Variants in PAIP1 observed in about 807,000 individuals in gnomAD.
PAIP1 encodes polyadenylate-binding protein-interacting protein 1.
In PAIP1, 16 loss-of-function variants were observed where a neutral mutation model predicts 61.3. That is an observed-to-expected ratio of 0.26 (90% CI 0.18 to 0.40). The LOEUF (loss-of-function observed/expected upper bound fraction) is 0.40. Among genes scored for constraint, PAIP1 ranks in the 10% least tolerant of loss-of-function variants. The pLI is 1.00. For missense variants in PAIP1, 416 were observed against 600.9 expected (o/e 0.69, Z 3.22); for synonymous variants, 187 against 226.2 (o/e 0.83, Z 1.56).
chr5:43,542,471 T>C (rs1033366660), intron 4 of PAIP1, among the ~76,000 whole-genome samples: 3 of 150,680 alleles, frequency 2.0e-5, no homozygotes, highest in African/African-American at 4.9e-5. Context: ...GAGGCAGAGG[T>C]TGCAGTGAGC....
At chr5:43,542,647 C>CA (rs1747460940) in intron 4 of PAIP1, among the ~76,000 whole-genome samples, 1 of 151,574 alleles carries the variant, frequency 6.6e-6, no homozygotes, top group Non-Finnish European at 1.5e-5. Context: ...CCAAATAATG[C>CA]AAGTGTGATA....
intron 2 of PAIP1, among the ~76,000 whole-genome samples, chr5:43,551,669 GA>G (rs1293538477): frequency 6.6e-6 from 1 of 151,494 alleles, no homozygotes; most frequent in Non-Finnish European, 1.5e-5. Flanking sequence ...GGTCCCAGCT[GA>G]AAGTACTAAT....
intron 9 of PAIP1, among the ~76,000 whole-genome samples, chr5:43,530,427 AAG>A (rs1746889577): frequency 6.6e-6 from 1 of 152,190 alleles, no homozygotes; most frequent in Admixed American, 6.5e-5. Context: ...TTGTCTTAGG[AAG>A]AGTTATTGGG....
At chr5:43,546,009 G>C (rs1259140877) in intron 3 of PAIP1, among the ~76,000 whole-genome samples, 1 of 152,006 alleles carries the variant, frequency 6.6e-6, no homozygotes, top group African/African-American at 2.4e-5. Flanking sequence ...CTGACCTCAG[G>C]TGATCCACCC....
At chr5:43,556,376 C>A (rs891485860) in intron 1 of PAIP1, 2 of 1,234,768 alleles carry the variant, frequency 1.6e-6, no homozygotes, top group Non-Finnish European at 2.0e-6. Context: ...GCCCCTCCCC[C>A]CAGCCAGGCG....
chr5:43,546,887 A>G (rs1218743055), intron 3 of PAIP1, among the ~76,000 whole-genome samples: 3 of 151,902 alleles, frequency 2.0e-5, no homozygotes, highest in Non-Finnish European at 4.4e-5. Flanking sequence ...TATCAAAAAT[A>G]CAAAAATTAG....
At chr5:43,546,099 C>T (rs183727283) in intron 3 of PAIP1, among the ~76,000 whole-genome samples, 79 of 152,226 alleles carry the variant, frequency 5.2e-4, no homozygotes, top group Admixed American at 2.1e-3. Context: ...GTAATACTTC[C>T]TCGTTTGTTA....
chr5:43,528,452 G>A (rs1746793923), intron 10 of PAIP1, among the ~76,000 whole-genome samples: 1 of 152,028 alleles, frequency 6.6e-6, no homozygotes, highest in South Asian at 2.1e-4. Flanking sequence ...AAATAACCAT[G>A]AGCTCATTAG....
chr5:43,557,006 G>T lies in PAIP1; in HGVS notation c.-160C>A. ...CCCGGCTCGGCTGCTCGGTGCTTCT[G>T]GCGGAGCGGACGGCAGCCCGAGCAC... On this transcript the variant is annotated 5_prime_UTR_variant, in exon 1 of 11. Transcript: ENST00000306846. 5.0e-6 allele frequency: 6 copies of T among 1,200,420 alleles called. No homozygotes were observed. The highest frequency in any genetic ancestry group is 6.3e-6 in the Non-Finnish European group (6 of 954,686). 74.4% of individuals were successfully genotyped at this position (1,200,420 alleles called of 1,614,324 possible).
chr5:43,543,310 C>CAAAAAAAAAAAAAAAAAAAAAAAAAA (rs11427976), intron 3 of PAIP1, among the ~76,000 whole-genome samples, 194 bp from the exon 4 acceptor site: 3 of 96,040 alleles, frequency 3.1e-5, no homozygotes, highest in African/African-American at 5.1e-5. Flanking sequence ...ACAATAAGTA[C>CAAAAAAAAAAAAAAAAAAAAAAAAAA]AAAAAAAAAA....
At position 43,547,100 on chromosome 5, in the gene PAIP1, G is replaced by GATAAAAAC. The variant is rs1458720197; in HGVS notation, c.621+620_621+627dup. Among the ~76,000 whole-genome samples, 7 of 146,106 alleles carry GATAAAAAC rather than the reference G, an allele frequency of 4.8e-5. No homozygotes were observed. In the East Asian group the frequency reaches 1.4e-3, roughly 29 times the overall value. On this transcript the variant is annotated intron_variant, in intron 3 of 10. Coordinates refer to ENST00000306846, the MANE Select transcript of PAIP1 (RefSeq NM_006451.5). ...AATATGTTAATGACCAATATGCTGG[G>GATAAAAAC]ATAAAAACTAAATGTTGTATAATGA... is the stretch of plus-strand genomic sequence containing the variant.
intron 3 of PAIP1, among the ~76,000 whole-genome samples, chr5:43,544,067 TAGG>T (rs1372082038): frequency 6.7e-6 from 1 of 148,998 alleles, no homozygotes; most frequent in Non-Finnish European, 1.5e-5. Context: ...CACTTGAGTG[TAGG>T]AGTTCAAGGC....
At chr5:43,533,652 T>C in intron 9 of PAIP1, 86 bp downstream of exon 9, 1 of 835,816 alleles carries the variant, frequency 1.2e-6, no homozygotes, top group African/African-American at 1.7e-5. Flanking sequence ...AAAGTTACAA[T>C]CTTGTGCTGG....
Position 43,527,528 on chromosome 5 carries a change from T to A in PAIP1, c.1347-59A>T. ...TTTTTCAACTCAGAAAGTAAGATGC[T>A]AAATCATGAAAAAAATAATGTAATA... is the stretch of plus-strand genomic sequence containing the variant. On this transcript the variant is annotated intron_variant, in intron 10 of 10. Transcript: ENST00000306846. 3.5e-6 allele frequency: 5 copies of A among 1,439,738 alleles called. No individual in the cohort carries two copies. In the African/African-American group the frequency reaches 4.3e-5, roughly 12 times the overall value. 89.2% of individuals were successfully genotyped at this position (1,439,738 alleles called of 1,614,324 possible).
intron 10 of PAIP1, 26 bp downstream of exon 10, chr5:43,529,759 CG>C: frequency 4.4e-6 from 5 of 1,142,168 alleles, no homozygotes; most frequent in Non-Finnish European, 6.7e-6. Context: ...AGAAATTTCA[CG>C]AAGTTAGTAA....
At chr5:43,535,346 C>T (rs983447168) in intron 7 of PAIP1, among the ~76,000 whole-genome samples, 188 bp downstream of exon 7, 1 of 152,154 alleles carries the variant, frequency 6.6e-6, no homozygotes, top group African/African-American at 2.4e-5. Flanking sequence ...ATATCTGACA[C>T]GTCTATCACA....
At chr5:43,554,335 G>A (rs1747981569) in intron 2 of PAIP1, among the ~76,000 whole-genome samples, 1 of 152,136 alleles carries the variant, frequency 6.6e-6, no homozygotes, top group Admixed American at 6.5e-5. Flanking sequence ...CTCTTACAGT[G>A]GCTCTAATGG....
In PAIP1 at chr5:43,531,656, C is replaced by CAAAAAAAAAAAAAAAAAA. The variant is rs369954867; in HGVS notation, c.1253-1795_1253-1778dup. ...TGGGTAACAGAGTGAGACTCTGTCT[C>CAAAAAAAAAAAAAAAAAA]AAAAAAAAAAAAAAAAAAAAAGAGA... is the stretch of plus-strand genomic sequence containing the variant. On this transcript the variant is annotated intron_variant, in intron 9 of 10. Coordinates refer to ENST00000306846, the MANE Select transcript of PAIP1 (RefSeq NM_006451.5). Among the ~76,000 whole-genome samples the CAAAAAAAAAAAAAAAAAA allele has an allele frequency of 3.2e-3, 191 of 59,862 alleles. 10 individuals carry two copies. The highest frequency in any genetic ancestry group is 5.0e-3 in the Non-Finnish European group (145 of 29,016). 39.3% of individuals were successfully genotyped at this position (59,862 alleles called of 152,430 possible). A position where few individuals can be genotyped will look rare whatever the true frequency, so the allele number is the denominator to read the frequency against.
intron 4 of PAIP1, 67 bp downstream of exon 4, chr5:43,542,936 GT>G: frequency 1.2e-6 from 1 of 836,644 alleles, no homozygotes; most frequent in Non-Finnish European, 2.1e-6. Flanking sequence ...ATAATATATG[GT>G]CTGAGGAATG....
Sources: gnomAD v4.1 joint callset for allele counts (sites outside exome capture counted in the v4.1 genomes callset) on GRCh38, gnomAD v4.1.1 for gene constraint, MANE v1.5 for transcripts, NCBI Gene and HGNC (gene_info 2026-07-23, HGNC 2026-07-21) for gene names.